The following LOC128092252 variants were observed in gnomAD, a reference collection of about 807,000 sequenced individuals.
the LOC128092252 span, among the ~76,000 whole-genome samples, chr15:50,672,898 CAAAAAAAAAAAA>C: frequency 1.7e-3 from 45 of 26,222 alleles, no homozygotes; most frequent in African/African-American, 5.6e-3. Flanking sequence ...GACTCTGTCT[CAAAAAAAAAAAA>C]AAAAAAAAAA....
the LOC128092252 span, among the ~76,000 whole-genome samples, chr15:50,669,847 C>T: frequency 6.6e-6 from 1 of 152,064 alleles, no homozygotes; most frequent in Non-Finnish European, 1.5e-5. Flanking sequence ...GCACATAATA[C>T]AATCAGCGAT....
the LOC128092252 span, among the ~76,000 whole-genome samples, chr15:50,683,877 C>CT: frequency 3.2e-3 from 480 of 149,034 alleles, 1 homozygote; most frequent in East Asian, 4.3e-3. Flanking sequence ...CTGATCAAGT[C>CT]TTTTTTTTTT....
chr15:50,674,874 T>C, the LOC128092252 span, among the ~76,000 whole-genome samples: 1 of 152,184 alleles, frequency 6.6e-6, no homozygotes, highest in South Asian at 2.1e-4. Flanking sequence ...CTACATCCCA[T>C]AGTTTTGGGT....
the LOC128092252 span, among the ~76,000 whole-genome samples, chr15:50,681,647 C>G: frequency 6.6e-6 from 1 of 152,158 alleles, no homozygotes; most frequent in Non-Finnish European, 1.5e-5. Context: ...CTCAGGGTTG[C>G]TATATTATTG....
At chr15:50,685,386 G>A in the LOC128092252 span, among the ~76,000 whole-genome samples, 1 of 152,240 alleles carries the variant, frequency 6.6e-6, no homozygotes, top group Non-Finnish European at 1.5e-5. Flanking sequence ...GAATCCCGGA[G>A]GCGGATGTTG....
the LOC128092252 span, among the ~76,000 whole-genome samples, chr15:50,671,963 T>C: frequency 6.7e-6 from 1 of 149,120 alleles, no homozygotes; most frequent in South Asian, 2.1e-4. Context: ...CATAATACTT[T>C]GTAATAATAA....
the LOC128092252 span, among the ~76,000 whole-genome samples, chr15:50,656,191 A>G: frequency 1.3e-5 from 2 of 152,192 alleles, no homozygotes; most frequent in Non-Finnish European, 2.9e-5. Flanking sequence ...ACTCTTTGGC[A>G]TCGTCAAACA....
the LOC128092252 span, chr15:50,648,974 A>G: frequency 4.2e-6 from 4 of 953,598 alleles, no homozygotes; most frequent in Non-Finnish European, 5.9e-6. Context: ...CGACAAATAT[A>G]AGCTTTAAAA....
chr15:50,679,958 G>A, the LOC128092252 span, among the ~76,000 whole-genome samples: 6 of 152,150 alleles, frequency 3.9e-5, no homozygotes, highest in South Asian at 2.1e-4. Context: ...ATGCATGACC[G>A]GGCGGTGGCT....
At chr15:50,684,702 G>A in the LOC128092252 span, among the ~76,000 whole-genome samples, 73 of 152,186 alleles carry the variant, frequency 4.8e-4, no homozygotes, top group South Asian at 4.2e-3. Context: ...TGACACTACA[G>A]GGATGCATTC....
the LOC128092252 span, among the ~76,000 whole-genome samples, chr15:50,678,256 AAC>A: frequency 1.1e-4 from 15 of 133,704 alleles, no homozygotes; most frequent in African/African-American, 1.8e-4. Flanking sequence ...AAAAAACAAA[AAC>A]AAAAACAAAA....
the LOC128092252 span, among the ~76,000 whole-genome samples, chr15:50,649,412 C>T: frequency 2.3e-4 from 32 of 140,244 alleles, no homozygotes; most frequent in African/African-American, 4.2e-4. Context: ...CCATCCTGGA[C>T]GACAGAACAA....
At chr15:50,673,634 G>GTATATA in the LOC128092252 span, among the ~76,000 whole-genome samples, 3,467 of 150,386 alleles carry the variant, frequency 0.023, 125 homozygotes, top group African/African-American at 0.08. Context: ...GTATTCCCTC[G>GTATATA]TATATATATA....
At chr15:50,679,511 A>AT in the LOC128092252 span, among the ~76,000 whole-genome samples, 24 of 75,458 alleles carry the variant, frequency 3.2e-4, 2 homozygotes, top group African/African-American at 1.3e-3. Context: ...GTATATATAT[A>AT]ATATATATAT....
chr15:50,651,262 T>G, the LOC128092252 span, among the ~76,000 whole-genome samples: 1 of 151,988 alleles, frequency 6.6e-6, no homozygotes, highest in Non-Finnish European at 1.5e-5. Flanking sequence ...TAAAATAAAA[T>G]CACTAAATGA....
the LOC128092252 span, among the ~76,000 whole-genome samples, chr15:50,672,251 C>A: frequency 6.6e-6 from 1 of 152,036 alleles, no homozygotes; most frequent in African/African-American, 2.4e-5. Flanking sequence ...GACATTTTCA[C>A]CATGTTAGCC....
chr15:50,686,659 G>A, the LOC128092252 span: 1 of 1,369,130 alleles, frequency 7.3e-7, no homozygotes, highest in African/African-American at 1.5e-5. Flanking sequence ...GAACGCCCAG[G>A]GAAACCTTCT....
At chr15:50,670,287 T>C in the LOC128092252 span, among the ~76,000 whole-genome samples, 1 of 152,086 alleles carries the variant, frequency 6.6e-6, no homozygotes, top group Non-Finnish European at 1.5e-5. Flanking sequence ...CCATCTTGAA[T>C]AGGGGCTGAG....
the LOC128092252 span, among the ~76,000 whole-genome samples, chr15:50,666,344 G>A: frequency 1.3e-5 from 2 of 152,080 alleles, no homozygotes; most frequent in African/African-American, 4.8e-5. Context: ...GGAGGCTGAA[G>A]CCAGAGGATC....
Sources: allele counts gnomAD v4.1 joint callset (sites outside exome capture counted in the v4.1 genomes callset), GRCh38; gene constraint gnomAD v4.1.1; transcripts MANE v1.5.